The following PTPRD variants were observed in gnomAD, a reference collection of about 807,000 sequenced individuals.
PTPRD encodes the protein protein tyrosine phosphatase receptor type D.
A neutral mutation model predicts 214.5 loss-of-function variants in PTPRD; 34 were observed. The observed-to-expected ratio is 0.16, with a 90% CI of 0.12 to 0.21. PTPRD has a LOEUF of 0.21. Ranked by LOEUF, PTPRD falls within the 10% of genes least tolerant of loss-of-function variation. The pLI, the probability that PTPRD is intolerant of heterozygous loss-of-function variation, is 1.00. For missense variants in PTPRD, 2,545 were observed against 2,398.7 expected, an observed-to-expected ratio of 1.06 and a Z score of -1.27; for synonymous variants, 1,128 against 845.7, an observed-to-expected ratio of 1.33 and a Z score of -5.79.
At chr9:8,440,175 C>G (rs1188318320) in intron 34 of PTPRD, among the ~76,000 whole-genome samples, 4 of 151,848 alleles carry the variant, frequency 2.6e-5, no homozygotes, top group South Asian at 2.1e-4. Flanking sequence ...ATTCTTGAAT[C>G]CTCTCTAACA....
intron 4 of PTPRD, among the ~76,000 whole-genome samples, chr9:9,998,132 A>ATATT (rs1412822700): frequency 7.7e-6 from 1 of 130,082 alleles, no homozygotes; most frequent in Non-Finnish European, 1.6e-5. Flanking sequence ...AAAAAAAAAT[A>ATATT]TATATATATA....
At chr9:9,777,302 C>G (rs2098805889) in intron 5 of PTPRD, among the ~76,000 whole-genome samples, 1 of 151,014 alleles carries the variant, frequency 6.6e-6, no homozygotes, top group Non-Finnish European at 1.5e-5. Flanking sequence ...ATCCCCAACA[C>G]AAATAAAAAT....
At chr9:9,734,826 T>C (rs1197620417) in intron 6 of PTPRD, among the ~76,000 whole-genome samples, 2 of 152,192 alleles carry the variant, frequency 1.3e-5, no homozygotes, top group Middle Eastern at 3.4e-3. Flanking sequence ...TTCCAATTAT[T>C]TAGGTGACGA....
intron 2 of PTPRD, among the ~76,000 whole-genome samples, chr9:10,506,737 T>G (rs748746499): frequency 6.6e-6 from 1 of 152,290 alleles, no homozygotes; most frequent in Non-Finnish European, 1.5e-5. Context: ...AGTTTATCTT[T>G]CATGGCCTTC....
At chr9:8,577,463 C>G (rs967905543) in intron 14 of PTPRD, among the ~76,000 whole-genome samples, 10 of 152,092 alleles carry the variant, frequency 6.6e-5, no homozygotes, top group African/African-American at 2.4e-4. Context: ...CCATGTTGGT[C>G]AGGCTGGTCT....
In PTPRD at chr9:10,125,423, TTTATTATTATTATTA is replaced by T. The variant is rs71485319; in HGVS notation, c.-544-91648_-544-91634del. Among the ~76,000 whole-genome samples the T allele has an allele frequency of 3.8e-3, 510 of 133,540 alleles. 2 individuals carry two copies. The highest frequency in any genetic ancestry group is 0.011 in the African/African-American group (382 of 36,166). The allele number at this position is 133,540 out of a possible 152,430, so 87.6% of individuals were successfully genotyped here. On this transcript the variant is annotated intron_variant, in intron 3 of 45. Coordinates refer to ENST00000381196, the MANE Select transcript of PTPRD (RefSeq NM_002839.4). Reference sequence around the variant, plus strand: ...TTTATTTTTATTTATTTTGTTTTATTTTATTATTATTATTATTATTATTATTATTATTATTATTAT... The same window carrying T: ...TTTATTTTTATTTATTTTGTTTTATTTTATTATTATTATTATTATTATTAT...
chr9:9,498,817 A>T (rs1249685201), intron 8 of PTPRD, among the ~76,000 whole-genome samples: 1 of 152,142 alleles, frequency 6.6e-6, no homozygotes. Flanking sequence ...AATACACAAA[A>T]ATTACCCAAT....
At chr9:9,187,044 G>C (rs1255025285) in intron 9 of PTPRD, among the ~76,000 whole-genome samples, 1 of 151,532 alleles carries the variant, frequency 6.6e-6, no homozygotes, top group Middle Eastern at 3.2e-3. Context: ...TATTTCAACA[G>C]AAACACTGAA....
chr9:9,062,699 A>G (rs1385855476), intron 10 of PTPRD, among the ~76,000 whole-genome samples: 6 of 152,186 alleles, frequency 3.9e-5, no homozygotes, highest in Non-Finnish European at 8.8e-5. Context: ...ACCAATAGTG[A>G]AAATAGCCTG....
chr9:9,499,604 T>C (rs1002969655), intron 8 of PTPRD, among the ~76,000 whole-genome samples: 1 of 152,064 alleles, frequency 6.6e-6, no homozygotes, highest in African/African-American at 2.4e-5. Flanking sequence ...ATCAGTATTA[T>C]TTATCAGTGA....
At chr9:8,779,902 T>C (rs527564202) in intron 11 of PTPRD, among the ~76,000 whole-genome samples, 19 of 150,970 alleles carry the variant, frequency 1.3e-4, no homozygotes, top group Admixed American at 9.9e-4. Flanking sequence ...ACAAAGACTC[T>C]AATTCCATTG....
At chr9:8,583,142 C>A (rs1172164190) in intron 14 of PTPRD, among the ~76,000 whole-genome samples, 1 of 152,206 alleles carries the variant, frequency 6.6e-6, no homozygotes, top group Non-Finnish European at 1.5e-5. Context: ...AGATCCCTCA[C>A]ATACACAGTT....
At chr9:8,460,262 CTGTAA>C (rs748293124) in intron 33 of PTPRD, 144 bp downstream of exon 33, 4 of 945,208 alleles carry the variant, frequency 4.2e-6, no homozygotes, top group Non-Finnish European at 6.8e-6. Flanking sequence ...TTTGATCTTA[CTGTAA>C]TGTAAACACT....
At chr9:10,130,640 A>T (rs2098860187) in intron 3 of PTPRD, among the ~76,000 whole-genome samples, 1 of 152,148 alleles carries the variant, frequency 6.6e-6, no homozygotes, top group Admixed American at 6.6e-5. Context: ...AATAGAAGAA[A>T]GTATTTAGCG....
chr9:10,543,507 A>ACACAC (rs1333500511), intron 2 of PTPRD, among the ~76,000 whole-genome samples: 16 of 68,442 alleles, frequency 2.3e-4, no homozygotes, highest in Admixed American at 8.8e-4. Context: ...CACACACACA[A>ACACAC]ACACACACAC....
At chr9:9,899,549 T>C (rs1566115221) in intron 5 of PTPRD, among the ~76,000 whole-genome samples, 2 of 152,172 alleles carry the variant, frequency 1.3e-5, no homozygotes, top group East Asian at 3.9e-4. Flanking sequence ...AGATGAAAGA[T>C]AACCAGTGTT....
intron 3 of PTPRD, among the ~76,000 whole-genome samples, chr9:10,121,810 G>C (rs949781266): frequency 4.6e-5 from 7 of 152,028 alleles, no homozygotes; most frequent in Non-Finnish European, 1.0e-4. Flanking sequence ...TGAATTCCAA[G>C]ATTTTTTTCC....
intron 2 of PTPRD, among the ~76,000 whole-genome samples, chr9:10,597,476 C>A (rs1036758645): frequency 1.3e-5 from 2 of 151,766 alleles, no homozygotes; most frequent in African/African-American, 4.8e-5. Context: ...ATTTTCTTAG[C>A]ATTGGAATAT....
intron 3 of PTPRD, among the ~76,000 whole-genome samples, chr9:10,103,098 T>C (rs181590091): frequency 6.7e-6 from 1 of 149,812 alleles, no homozygotes; most frequent in Admixed American, 6.7e-5. Flanking sequence ...GCTGAGGGAG[T>C]CGGTCTATAG....
Sources: allele counts gnomAD v4.1 joint callset (sites outside exome capture counted in the v4.1 genomes callset), GRCh38; gene constraint gnomAD v4.1.1; transcripts MANE v1.5; gene names NCBI Gene and HGNC (gene_info 2026-07-23, HGNC 2026-07-21).